OPRM1: variants seen among roughly 807,000 people sequenced by gnomAD.
OPRM1 encodes opioid receptor mu 1, also known as mu-type opioid receptor.
Under a neutral mutation model 31.8 loss-of-function variants are expected in OPRM1, and 27 were observed. The ratio of observed to expected loss-of-function variants is 0.85; its 90% CI spans 0.63 to 1.17. The LOEUF (loss-of-function observed/expected upper bound fraction) is 1.17. Among genes scored for constraint, OPRM1 ranks in the 50% most tolerant of loss-of-function variants. The pLI, the probability that OPRM1 is intolerant of heterozygous loss-of-function variation, is 0.00. For missense variants in OPRM1, 536 were observed against 511.1 expected (o/e 1.05, Z -0.47); for synonymous variants, 196 against 189.9 (o/e 1.03, Z -0.26).
At position 154,091,155 on chromosome 6, in the gene OPRM1, A is replaced by G; in HGVS notation, c.847A>G (p.Met283Val). Residue 283 changes from methionine (M) to valine (V), a missense_variant, in exon 3 of 4, where the codon ATG (methionine) becomes GTG (valine). By Grantham distance (21) the Met-to-Val change is conservative (BLOSUM62 1). Coordinates refer to ENST00000330432, the MANE Select transcript of OPRM1 (RefSeq NM_000914.5). The part of the protein sequence containing the change: ...KDRNLRRITR[M>V]VLVVVAVFIV... ...CAGGAATCTTCGAAGGATCACCAGG[A>G]TGGTGCTGGTGGTGGTGGCTGTGTT... 6.2e-7 allele frequency: 1 copy of G among 1,614,138 alleles called. No homozygotes were observed. The highest frequency in any genetic ancestry group is 1.7e-5 in the Admixed American group (1 of 59,994).
chr6:154,201,337 T>G (rs970980577), intron 3 of OPRM1, among the ~76,000 whole-genome samples: 3 of 152,228 alleles, frequency 2.0e-5, no homozygotes, highest in African/African-American at 7.2e-5. Context: ...TAAAAAATGG[T>G]GACAGTACAT....
chr6:154,093,549 A>T, intron 3 of OPRM1: 1 of 1,544,538 alleles, frequency 6.5e-7, no homozygotes, highest in East Asian at 2.3e-5. Flanking sequence ...AAGAGAAAAG[A>T]AGCTAATTGG....
Position 154,171,541 on chromosome 6 carries a change from A to G in OPRM1, c.1165-75152A>G, listed in dbSNP as rs547155902. Among the ~76,000 whole-genome samples the G allele has an allele frequency of 5.9e-5, 9 of 152,350 alleles. No individual in the cohort carries two copies. The South Asian group carries it at 1.9e-3, about 32-fold the overall frequency. On this transcript the variant is annotated intron_variant, in intron 3 of 3. Coordinates refer to the OPRM1 transcript ENST00000337049. ...TGTGATGCTGAAATGTTCCAAAATT[A>G]GATTGTGATGACAGCTGCACAATTC... is the stretch of plus-strand genomic sequence containing the variant.
chr6:154,193,700 A>T lies in OPRM1; in HGVS notation c.1165-52993A>T, dbSNP rs1361313213. ...ACTTTCCAACCCTCTACACCGCTAG[A>T]CCACATGATAAGCAAAACAAACACT... On this transcript the variant is annotated intron_variant, in intron 3 of 3. Coordinates refer to the OPRM1 transcript ENST00000337049. Among the ~76,000 whole-genome samples the T allele has an allele frequency of 2.6e-5, 4 of 152,226 alleles. No individual in the cohort carries two copies. The East Asian group carries it at 7.7e-4, about 29-fold the overall frequency.
At chr6:154,199,028 TTATCA>T (rs1393569275) in intron 3 of OPRM1, among the ~76,000 whole-genome samples, 7 of 152,250 alleles carry the variant, frequency 4.6e-5, no homozygotes, top group Admixed American at 3.9e-4. Flanking sequence ...CAAGGACCAG[TTATCA>T]GAGTATTTTT....
Position 154,238,286 on chromosome 6 carries a change from A to G in OPRM1, c.1165-8407A>G, listed in dbSNP as rs535888661. Among the ~76,000 whole-genome samples, 695 of 152,006 alleles carry G rather than the reference A, an allele frequency of 4.6e-3. 8 individuals carry two copies. Among genetic ancestry groups the G allele is most frequent in the African/African-American group, 0.016 (667 of 41,414 alleles). On this transcript the variant is annotated intron_variant, in intron 3 of 3. Transcript: ENST00000337049. ...TTATTTATTTTTTAGATGGAGTTTCACTCTTGTTGCCCAGGCTAGAGTGCA... is the reference window on the plus strand; with the variant it reads ...TTATTTATTTTTTAGATGGAGTTTCGCTCTTGTTGCCCAGGCTAGAGTGCA...
At chr6:154,245,744 T>C (rs1780981782) in intron 3 of OPRM1, among the ~76,000 whole-genome samples, 1 of 152,072 alleles carries the variant, frequency 6.6e-6, no homozygotes, top group Admixed American at 6.6e-5. Context: ...GGACTCACAC[T>C]CTCCTGAGAG....
chr6:154,194,699 G>T (rs1162880664), intron 3 of OPRM1, among the ~76,000 whole-genome samples: 1 of 152,092 alleles, frequency 6.6e-6, no homozygotes, highest in South Asian at 2.1e-4. Flanking sequence ...AAAAACAAAG[G>T]TAATGTAAAA....
rs563671264 is a variant in OPRM1, at chr6:154,233,721, T to G, written c.1165-12972T>G. 2.0e-5 allele frequency among the ~76,000 whole-genome samples: 3 copies of G among 152,266 alleles called. No homozygotes were observed. The East Asian group carries it at 5.8e-4, about 29-fold the overall frequency. ...CAGTAAGGAGATCAGTTACTCTCAG[T>G]GACCCTGACATATGCCCTGTCCTTA... On this transcript the variant is annotated intron_variant, in intron 3 of 3. Coordinates refer to the OPRM1 transcript ENST00000337049.
downstream of OPRM1, among the ~76,000 whole-genome samples, chr6:154,135,460 A>T (rs147434099): frequency 3.7e-3 from 558 of 150,694 alleles, 1 homozygote; most frequent in Non-Finnish European, 6.5e-3. Context: ...ACAGAGTAAG[A>T]CTCCATGTAA....
intron 1 of OPRM1, among the ~76,000 whole-genome samples, chr6:154,040,519 G>T (rs1037335481): frequency 6.6e-6 from 1 of 152,168 alleles, no homozygotes; most frequent in African/African-American, 2.4e-5. Context: ...CAAATGTGTT[G>T]CCTAGACCAG....
chr6:154,077,411 C>T (rs1788092816), intron 1 of OPRM1, among the ~76,000 whole-genome samples: 1 of 151,160 alleles, frequency 6.6e-6, no homozygotes, highest in African/African-American at 2.4e-5. Flanking sequence ...AGCCACTATG[C>T]CCAGCCTTCA....
intron 3 of OPRM1, chr6:154,217,225 A>G (rs790259): frequency 0.51 from 82,495 of 162,604 alleles, 21,837 homozygotes; most frequent in African/African-American, 0.64. Flanking sequence ...TTAAAAGTGC[A>G]GAGAGTGATG....
chr6:154,152,390 A>AAAAGAGAGAG (rs1798560023), intron 3 of OPRM1, among the ~76,000 whole-genome samples: 9 of 126,198 alleles, frequency 7.1e-5, no homozygotes, highest in Non-Finnish European at 1.2e-4. Context: ...GAAAGAAAGA[A>AAAAGAGAGAG]AGAGAAATAG....
intron 3 of OPRM1, among the ~76,000 whole-genome samples, chr6:154,224,578 G>A (rs917048352): frequency 6.6e-6 from 1 of 152,114 alleles, no homozygotes; most frequent in Non-Finnish European, 1.5e-5. Context: ...GGTCATGGTG[G>A]TGGGCCCCTG....
intron 1 of OPRM1, among the ~76,000 whole-genome samples, chr6:154,031,535 G>A (rs1779004717): frequency 6.6e-6 from 1 of 152,022 alleles, no homozygotes; most frequent in Non-Finnish European, 1.5e-5. Context: ...AGGAGTTCAA[G>A]GCCAGACTGA....
At chr6:154,246,000 G>A (rs973949091) in intron 3 of OPRM1, among the ~76,000 whole-genome samples, 8 of 152,180 alleles carry the variant, frequency 5.3e-5, no homozygotes, top group East Asian at 1.9e-4. Flanking sequence ...GTCTAAGCAC[G>A]ACTAGTTTAA....
intron 3 of OPRM1, among the ~76,000 whole-genome samples, chr6:154,100,228 T>C (rs1244350790): frequency 6.8e-6 from 1 of 148,038 alleles, no homozygotes; most frequent in African/African-American, 2.5e-5. Context: ...CATATCGTAA[T>C]ATATATTATC....
Position 154,123,053 on chromosome 6 carries a change from G to A in OPRM1, c.*4332G>A, listed in dbSNP as rs764491275. Among the ~76,000 whole-genome samples the A allele has an allele frequency of 9.9e-5, 15 of 152,206 alleles. No individual in the cohort carries two copies. Among genetic ancestry groups the A allele is most frequent in the Non-Finnish European group, 2.2e-4 (15 of 68,022 alleles). ...AAGCAAAAGAGGAAAGCTCTCTGCA[G>A]CAGAGACGGGAGCCCAAGTGGGTTG... On this transcript the variant is annotated 3_prime_UTR_variant, in exon 4 of 4. Transcript: ENST00000330432.
Sources: allele counts gnomAD v4.1 joint callset (sites outside exome capture counted in the v4.1 genomes callset), GRCh38; gene constraint gnomAD v4.1.1; transcripts MANE v1.5; gene names NCBI Gene and HGNC (gene_info 2026-07-23, HGNC 2026-07-21).